The following RXFP2 variants were observed in gnomAD, a reference collection of about 807,000 sequenced individuals.
RXFP2 encodes relaxin receptor 2.
In RXFP2, 68 loss-of-function variants were observed where a neutral mutation model predicts 88.6. The observed-to-expected ratio is 0.77, with a 90% CI of 0.63 to 0.94. RXFP2 has a LOEUF of 0.94. Among genes scored for constraint, RXFP2 ranks in the 40% least tolerant of loss-of-function variants. The pLI is 0.00. For synonymous variants in RXFP2, 329 were observed against 306.8 expected (o/e 1.07, Z -0.76); for missense variants, 791 against 893.9 (o/e 0.88, Z 1.47).
chr13:31,760,591 T>G (rs1362676142), intron 2 of RXFP2, among the ~76,000 whole-genome samples: 1 of 152,248 alleles, frequency 6.6e-6, no homozygotes, highest in East Asian at 1.9e-4. Context: ...AAGCCATGAA[T>G]GTTTACCCCA....
At chr13:31,758,534 C>A in intron 2 of RXFP2, 130 bp downstream of exon 2, 6 of 1,047,308 alleles carry the variant, frequency 5.7e-6, no homozygotes, top group South Asian at 1.5e-5. Context: ...TCCTTTGAAA[C>A]ACAAATAATG....
At chr13:31,746,107 G>A (rs185753369) in intron 1 of RXFP2, among the ~76,000 whole-genome samples, 142 of 152,312 alleles carry the variant, frequency 9.3e-4, no homozygotes, top group Middle Eastern at 3.4e-3. Context: ...TTGTCATGAT[G>A]TCAGAGACAT....
rs750118675 is a variant in RXFP2 at position 31,765,127 on chromosome 13, A to G, written c.410A>G (p.Asn137Ser). ...GDLKSVPMIS[N>S]NVTLLSLKKN... ...TTAAAGTCTGTGCCGATGATTTCTA[A>G]CAATGTGACATTACTGTGAGTAAAA... Residue 137 changes from asparagine (N) to serine (S), a missense_variant, in exon 4 of 18, where the codon AAC becomes AGC. Physicochemically the swap from Asn to Ser is conservative, Grantham distance 46. Coordinates refer to ENST00000298386, the MANE Select transcript of RXFP2 (RefSeq NM_130806.5). 6 of 1,594,118 alleles carry G rather than the reference A, an allele frequency of 3.8e-6. No homozygotes were observed. The highest frequency in any genetic ancestry group is 2.2e-5 in the South Asian group (2 of 90,668).
At chr13:31,794,403 CACACA>C (rs745351701) in intron 16 of RXFP2, among the ~76,000 whole-genome samples, 82 of 128,040 alleles carry the variant, frequency 6.4e-4, no homozygotes, top group African/African-American at 2.2e-3. Flanking sequence ...CACACACACA[CACACA>C]CCATGACATG....
chr13:31,775,204 T>A, intron 6 of RXFP2, 114 bp from the exon 7 acceptor site: 1 of 896,224 alleles, frequency 1.1e-6, no homozygotes, highest in African/African-American at 1.6e-5. Context: ...AGCCGAATAC[T>A]TTCAGACGCA....
rs73163317 is a variant in RXFP2, at chr13:31,778,577, A to G, written c.779A>G (p.Asn260Ser). Residue 260 changes from asparagine to serine, a missense_variant, in exon 9 of 18, where the codon AAC becomes AGC. Coordinates refer to ENST00000298386, the MANE Select transcript of RXFP2 (RefSeq NM_130806.5). ...KQMCAQMPQL[N>S]WVDLEGNRIK... Reference sequence around the variant, plus strand: ...ATGTGTGCCCAAATGCCTCAACTCAACTGGGTGTGAGTATTTATTTAGGAA... The same window carrying G: ...ATGTGTGCCCAAATGCCTCAACTCAGCTGGGTGTGAGTATTTATTTAGGAA... The G allele has an allele frequency of 5.8e-3, 9,364 of 1,603,100 alleles. 31 individuals carry two copies. Among genetic ancestry groups the G allele is most frequent in the Non-Finnish European group, 6.8e-3 (7,998 of 1,170,096 alleles).
intron 2 of RXFP2, among the ~76,000 whole-genome samples, chr13:31,760,182 G>C (rs568970719): frequency 6.6e-6 from 1 of 152,064 alleles, no homozygotes; most frequent in Non-Finnish European, 1.5e-5. Flanking sequence ...TCTGCCTCCT[G>C]GGTTCAAGTG....
chr13:31,741,716 G>A (rs1300880503), intron 1 of RXFP2, among the ~76,000 whole-genome samples: 1 of 152,138 alleles, frequency 6.6e-6, no homozygotes, highest in Non-Finnish European at 1.5e-5. Context: ...TATGCATAAT[G>A]TATCTTATTA....
At position 31,802,532 on chromosome 13, in the gene RXFP2, A is replaced by T; in HGVS notation, c.*127A>T. On this transcript the variant is annotated 3_prime_UTR_variant, in exon 18 of 18. Transcript: ENST00000298386. Reference sequence around the variant, plus strand: ...CCTTTCTGCACAGAGAGCACAGCAGAATGGCTCCTGTCACTGCATTCCAAT... The same window carrying T: ...CCTTTCTGCACAGAGAGCACAGCAGTATGGCTCCTGTCACTGCATTCCAAT... The T allele has an allele frequency of 2.0e-6, 2 of 1,019,922 alleles. No individual in the cohort carries two copies. Among genetic ancestry groups the T allele is most frequent in the South Asian group, 2.6e-5 (2 of 77,824 alleles). The allele number at this position is 1,019,922 out of a possible 1,614,324, so 63.2% of individuals were successfully genotyped here. A position where few individuals can be genotyped will look rare whatever the true frequency, so the allele number is the denominator to read the frequency against.
intron 8 of RXFP2, among the ~76,000 whole-genome samples, chr13:31,777,896 T>A (rs528460232): frequency 6.6e-6 from 1 of 152,328 alleles, no homozygotes; most frequent in East Asian, 1.9e-4. Flanking sequence ...TGTCTCACAA[T>A]AATATTTTCA....
At chr13:31,792,081 G>A (rs370220437) in intron 15 of RXFP2, 46 bp downstream of exon 15, 5 of 1,335,392 alleles carry the variant, frequency 3.7e-6, no homozygotes, top group Non-Finnish European at 5.4e-6. Context: ...TCTTCTGTGA[G>A]TTGTGCACTA....
chr13:31,762,633 T>C (rs1476256066), intron 3 of RXFP2, among the ~76,000 whole-genome samples: 2 of 152,152 alleles, frequency 1.3e-5, no homozygotes, highest in African/African-American at 4.8e-5. Context: ...CATTAGTATG[T>C]ATATGTAAAT....
chr13:31,796,799 A>T (rs1018194955), intron 16 of RXFP2, among the ~76,000 whole-genome samples: 1 of 152,220 alleles, frequency 6.6e-6, no homozygotes, highest in African/African-American at 2.4e-5. Context: ...CAGGTTAAGC[A>T]TTTGTAATTT....
chr13:31,773,976 T>G (rs1421567616), intron 5 of RXFP2, among the ~76,000 whole-genome samples: 1 of 152,162 alleles, frequency 6.6e-6, no homozygotes, highest in African/African-American at 2.4e-5. Context: ...CAAATGGAAA[T>G]TATTTACTTA....
Position 31,786,411 on chromosome 13 carries a change from C to T in RXFP2, c.958C>T (p.Leu320=), listed in dbSNP as rs778978592. 6.2e-7 allele frequency: 1 copy of T among 1,608,002 alleles called. No individual in the cohort carries two copies. The highest frequency in any genetic ancestry group is 8.5e-7 in the Non-Finnish European group (1 of 1,174,514). Residue 320 remains leucine (L), a synonymous_variant, in exon 12 of 18, where the codon CTA becomes TTA. Transcript: ENST00000298386. ...TCTGTCTAGCAATACGATAACGGAA[C>T]TATCACCTCACCTTTTTAAAGACTT... ...LDLSSNTITE[L]SPHLFKDLKL...
intron 2 of RXFP2, among the ~76,000 whole-genome samples, chr13:31,760,519 T>C (rs1057055987): frequency 2.0e-5 from 3 of 152,242 alleles, no homozygotes; most frequent in Non-Finnish European, 4.4e-5. Context: ...GGCAACTGTC[T>C]GGATGCCAAT....
intron 3 of RXFP2, 87 bp from the exon 4 acceptor site, chr13:31,764,949 GA>G (rs1872479937): frequency 7.9e-6 from 6 of 759,550 alleles, no homozygotes; most frequent in Non-Finnish European, 2.3e-6. Context: ...TACATTCGAT[GA>G]AAAGAAAACA....
Position 31,802,401 on chromosome 13 carries a change from C to A in RXFP2, c.2261C>A (p.Ser754Tyr). ...GGAGACAGTATAATGAAACCAGTTTCCTAGCAATCATTTTGGATCACTGGA... is the reference window on the plus strand; with the variant it reads ...GGAGACAGTATAATGAAACCAGTTTACTAGCAATCATTTTGGATCACTGGA... ...TLGDSIMKPV[S>Y] is the part of the protein sequence containing the mutation. The change falls in exon 18 of 18, where the codon TCC becomes TAC. Residue 754 changes from serine to tyrosine, a missense_variant. Physicochemically the swap from Ser to Tyr is moderately radical, Grantham distance 144 (BLOSUM62 -2). Coordinates refer to ENST00000298386, the MANE Select transcript of RXFP2 (RefSeq NM_130806.5). 6.2e-7 allele frequency: 1 copy of A among 1,613,808 alleles called. No individual in the cohort carries two copies. Among genetic ancestry groups the A allele is most frequent in the Non-Finnish European group, 8.5e-7 (1 of 1,179,978 alleles).
chr13:31,765,177 C>T (rs372825509), intron 4 of RXFP2, 35 bp downstream of exon 4: 263 of 1,282,196 alleles, frequency 2.1e-4, no homozygotes, highest in Middle Eastern at 9.2e-4. Context: ...ATATCTGTCC[C>T]TATAGTCACA....
Sources: gnomAD v4.1 joint callset for allele counts (sites outside exome capture counted in the v4.1 genomes callset) on GRCh38, gnomAD v4.1.1 for gene constraint, MANE v1.5 for transcripts, NCBI Gene and HGNC (gene_info 2026-07-23, HGNC 2026-07-21) for gene names.